ANK2: variants seen among roughly 807,000 people sequenced by gnomAD.
ANK2 encodes ankyrin-2.
A neutral mutation model predicts 360.5 loss-of-function variants in ANK2; 83 were observed. The ratio of observed to expected loss-of-function variants is 0.23; its 90% confidence interval spans 0.19 to 0.28. ANK2 has a LOEUF of 0.28. Among genes scored for constraint, ANK2 ranks in the 10% least tolerant of loss-of-function variants. The probability of loss-of-function intolerance (pLI) is 1.00; values close to 1 mark genes in which losing one functional copy is unlikely to be tolerated. For missense variants in ANK2, 4,201 were observed against 4,795.7 expected, an observed-to-expected ratio of 0.88 and a Z score of 3.66; for synonymous variants, 1,740 against 1,759.5, an observed-to-expected ratio of 0.99 and a Z score of 0.28.
chr4:113,249,701 A>G (rs2045072594), intron 9 of ANK2, 63 bp from the exon 10 acceptor site: 1 of 1,482,716 alleles, frequency 6.7e-7, no homozygotes, highest in African/African-American at 1.4e-5. Context: ...TTATGGTTGC[A>G]ATAGATGAAA....
chr4:113,317,250 C>T (rs866866427), intron 24 of ANK2, among the ~76,000 whole-genome samples: 7 of 152,096 alleles, frequency 4.6e-5, no homozygotes, highest in Admixed American at 2.0e-4. Flanking sequence ...AAATAATAAG[C>T]GAAAATGAAA....
Position 113,355,124 on chromosome 4 carries a change from T to C in ANK2, c.6506T>C (p.Val2169Ala), listed in dbSNP as rs1471818752. Residue 2169 changes from valine (V) to alanine (A), a missense_variant, in exon 38 of 46, where the codon GTA becomes GCA. By Grantham distance (64) the Val-to-Ala change is moderately conservative (BLOSUM62 0). Around this residue, in one of 4 missense-constraint regions of ANK2, gnomAD observed 2,642 missense variants for 2,714.5 expected, o/e 0.97. Coordinates refer to ENST00000357077, the MANE Select transcript of ANK2 (RefSeq NM_001148.6). ...AAGGCACAGCTTCACTTAGACCAAG[T>C]ACTCACTAGTCCTTTCAACACAACA... ...TEKAQLHLDQVLTSPFNTTFP... is the reference protein window; with the variant it reads ...TEKAQLHLDQALTSPFNTTFP... 2 of 1,614,110 alleles carry C rather than the reference T, an allele frequency of 1.2e-6. No homozygotes were observed. Among genetic ancestry groups the C allele is most frequent in the Admixed American group, 1.7e-5 (1 of 60,022 alleles).
At chr4:113,292,264 T>G (rs2068084022) in intron 20 of ANK2, 152 bp from the exon 21 acceptor site, 3 of 743,634 alleles carry the variant, frequency 4.0e-6, no homozygotes, top group Admixed American at 2.0e-5. Flanking sequence ...GAGTGTTTGC[T>G]GCTGAGAAAT....
intron 2 of ANK2, among the ~76,000 whole-genome samples, chr4:112,910,862 T>C (rs900179391): frequency 3.3e-5 from 5 of 152,222 alleles, no homozygotes; most frequent in Non-Finnish European, 7.3e-5. Flanking sequence ...TAAAAAGTTT[T>C]TAATACCCAT....
intron 1 of ANK2, among the ~76,000 whole-genome samples, chr4:113,138,463 G>T (rs536223990): frequency 5.3e-5 from 8 of 152,108 alleles, no homozygotes; most frequent in Non-Finnish European, 1.2e-4. Flanking sequence ...AGGTTTAATT[G>T]GTAATTCTAA....
In ANK2 at chr4:112,948,162, G is replaced by A. The variant is rs144613329; in HGVS notation, c.21+43648G>A. ...GTTTGTAGGTTGTGGGTAATTTCTC[G>A]CAGAGGATCAGGTCTGTGCCATCTG... On this transcript the variant is annotated intron_variant, in intron 2 of 30. Transcript: ENST00000503271. Among the ~76,000 whole-genome samples, 46 of 152,170 alleles carry A rather than the reference G, an allele frequency of 3.0e-4. No homozygotes were observed. In the East Asian group the frequency reaches 3.7e-3, roughly 12 times the overall value.
rs786205738 is a variant in ANK2 at position 113,367,762 on chromosome 4, A to G, written c.11229A>G (p.Gln3743=). 1.2e-6 allele frequency: 2 copies of G among 1,614,100 alleles called. No homozygotes were observed. The highest frequency in any genetic ancestry group is 1.7e-6 in the Non-Finnish European group (2 of 1,180,000). The stretch of plus-strand genomic sequence containing the variant: ...GCTCAGCAACAGCACTCTTTCCCCA[A>G]ACTCACAAGGAGCAAGTTCAACAGG... ...GDSSATALFP[Q]THKEQVQQDF... Residue 3743 remains glutamine, a synonymous_variant, in exon 42 of 46, where the codon CAA becomes CAG. Transcript: ENST00000357077.
intron 1 of ANK2, among the ~76,000 whole-genome samples, chr4:113,139,645 A>G (rs1408023421): frequency 6.6e-6 from 1 of 152,190 alleles, no homozygotes; most frequent in Non-Finnish European, 1.5e-5. Context: ...ATGGCCCTTT[A>G]GGCTTGCTTT....
intron 1 of ANK2, among the ~76,000 whole-genome samples, chr4:112,875,762 C>G (rs2074855954): frequency 6.6e-6 from 1 of 151,070 alleles, no homozygotes; most frequent in African/African-American, 2.4e-5. Flanking sequence ...TTTTAGGAGA[C>G]AGGGTCTCAC....
the ANK2 span, among the ~76,000 whole-genome samples, chr4:112,728,949 G>A: frequency 6.6e-6 from 1 of 152,112 alleles, no homozygotes; most frequent in African/African-American, 2.4e-5. Flanking sequence ...GCACACACCT[G>A]TGGTCCCAGC....
chr4:112,810,033 TA>T, the ANK2 span, among the ~76,000 whole-genome samples: 1 of 150,992 alleles, frequency 6.6e-6, no homozygotes, highest in Non-Finnish European at 1.5e-5. Context: ...ATATTTACTT[TA>T]TTTTTTTAAA....
At chr4:113,161,492 T>C (rs2097533282) in intron 1 of ANK2, among the ~76,000 whole-genome samples, 1 of 152,188 alleles carries the variant, frequency 6.6e-6, no homozygotes, top group African/African-American at 2.4e-5. Context: ...AGAATTCAAA[T>C]TGAATAGCCC....
At chr4:113,177,112 C>A (rs969163193) in intron 2 of ANK2, among the ~76,000 whole-genome samples, 1 of 152,138 alleles carries the variant, frequency 6.6e-6, no homozygotes, top group Non-Finnish European at 1.5e-5. Flanking sequence ...TTCACGTAAA[C>A]TTAGGTTTCC....
At chr4:113,278,011 C>T (rs937503053) in intron 16 of ANK2, 76 bp downstream of exon 16, 42 of 1,385,664 alleles carry the variant, frequency 3.0e-5, no homozygotes, top group Non-Finnish European at 1.9e-5. Flanking sequence ...ACATTTTTCT[C>T]ACTTCTCTGA....
At chr4:113,040,185 T>C (rs2062618643) in intron 2 of ANK2, among the ~76,000 whole-genome samples, 1 of 152,048 alleles carries the variant, frequency 6.6e-6, no homozygotes, top group African/African-American at 2.4e-5. Context: ...CCTAAAAAAC[T>C]GACCTAGCCG....
At chr4:113,050,925 C>T (rs1234808806) in intron 1 of ANK2, among the ~76,000 whole-genome samples, 1 of 152,152 alleles carries the variant, frequency 6.6e-6, no homozygotes, top group Non-Finnish European at 1.5e-5. Context: ...TAAAAGATCA[C>T]TGTATCAGCA....
At chr4:113,348,339 G>A in intron 36 of ANK2, 31 bp downstream of exon 36, 1 of 1,608,150 alleles carries the variant, frequency 6.2e-7, no homozygotes, top group East Asian at 2.2e-5. Flanking sequence ...CTTGTTATCG[G>A]CTGTGTCATT....
intron 2 of ANK2, among the ~76,000 whole-genome samples, chr4:112,920,988 T>TTG (rs1416788886): frequency 6.6e-6 from 1 of 152,186 alleles, no homozygotes; most frequent in Non-Finnish European, 1.5e-5. Flanking sequence ...CACATCATGT[T>TTG]ATCAGAGTGT....
chr4:112,826,617 C>T, intron 1 of ANK2: 1 of 1,288,552 alleles, frequency 7.8e-7, no homozygotes, highest in Non-Finnish European at 1.1e-6. Context: ...ACTAGTAGTT[C>T]AGCAGGCTTC....
Sources: allele counts gnomAD v4.1 joint callset (sites outside exome capture counted in the v4.1 genomes callset), GRCh38; gene constraint gnomAD v4.1.1; regional missense constraint gnomAD v4.1.1; transcripts MANE v1.5; gene names NCBI Gene and HGNC (gene_info 2026-07-23, HGNC 2026-07-21).